ADGRD1: variants seen among roughly 807,000 people sequenced by gnomAD.
ADGRD1 encodes adhesion G protein-coupled receptor D1, also known as G-protein coupled receptor 133.
Under a neutral mutation model 113.4 loss-of-function variants are expected in ADGRD1, and 77 were observed. The ratio of observed to expected loss-of-function variants is 0.68; its 90% confidence interval spans 0.57 to 0.82. ADGRD1 has a LOEUF of 0.82. Among genes scored for constraint, ADGRD1 ranks in the 40% least tolerant of loss-of-function variants. The probability of loss-of-function intolerance (pLI) is 0.00; values close to 1 mark genes in which losing one functional copy is unlikely to be tolerated. For missense variants in ADGRD1, 1,036 were observed against 1,139.1 expected, an observed-to-expected ratio of 0.91 and a Z score of 1.30; for synonymous variants, 474 against 475.0, an observed-to-expected ratio of 1.00 and a Z score of 0.03.
chr12:131,103,459 C>T (rs1172494841), intron 15 of ADGRD1, among the ~76,000 whole-genome samples: 1 of 152,278 alleles, frequency 6.6e-6, no homozygotes, highest in African/African-American at 2.4e-5. Context: ...ACGTCTGTAG[C>T]CCCTCGGGCG....
intron 14 of ADGRD1, among the ~76,000 whole-genome samples, chr12:131,080,234 A>G (rs1299530121): frequency 1.3e-5 from 2 of 152,172 alleles, no homozygotes; most frequent in Admixed American, 6.5e-5. Context: ...TCTTCAACCT[A>G]TGTGTTATTT....
At chr12:131,130,385 G>A (rs1382902939) in intron 20 of ADGRD1, among the ~76,000 whole-genome samples, 1 of 152,184 alleles carries the variant, frequency 6.6e-6, no homozygotes, top group Non-Finnish European at 1.5e-5. Context: ...GGTGCTCACT[G>A]CCACAATAGT....
At chr12:131,017,837 CAG>C (rs929624630) in intron 13 of ADGRD1, among the ~76,000 whole-genome samples, 1 of 150,966 alleles carries the variant, frequency 6.6e-6, no homozygotes, top group Non-Finnish European at 1.5e-5. Flanking sequence ...CACACACACT[CAG>C]TGCACACACA....
intron 4 of ADGRD1, among the ~76,000 whole-genome samples, chr12:130,979,837 A>T (rs1872738579): frequency 6.6e-6 from 1 of 151,686 alleles, no homozygotes; most frequent in African/African-American, 2.4e-5. Context: ...ACACACACAC[A>T]CACACACACA....
chr12:131,103,995 C>A (rs535570954), intron 15 of ADGRD1, among the ~76,000 whole-genome samples: 1 of 152,230 alleles, frequency 6.6e-6, no homozygotes, highest in Non-Finnish European at 1.5e-5. Flanking sequence ...ACTTCAGAAC[C>A]GAGGGGGCGC....
Position 131,003,181 on chromosome 12 carries a change from G to T in ADGRD1, c.1027-4G>T, listed in dbSNP as rs200670259. ...CATGGCTCCTGGTGCTTGTGTTGCT[G>T]CAGGACAGCGCCGTGGTACTGAGTC... On this transcript the variant is annotated splice_region_variant and splice_polypyrimidine_tract_variant and intron_variant, in intron 9 of 24. Coordinates refer to ENST00000261654, the MANE Select transcript of ADGRD1 (RefSeq NM_198827.5). This position sits in a 1 kb window ranked among gnomAD's most constrained non-coding sequence, Gnocchi z 4.8. The T allele has an allele frequency of 9.3e-6, 15 of 1,609,292 alleles. No individual in the cohort carries two copies. Among genetic ancestry groups the T allele is most frequent in the Non-Finnish European group, 1.0e-5 (12 of 1,175,886 alleles).
chr12:130,994,220 G>A (rs1281770014), intron 8 of ADGRD1: 1 of 450,470 alleles, frequency 2.2e-6, no homozygotes, highest in Non-Finnish European at 4.5e-6. Flanking sequence ...CCTTATGCAT[G>A]TATGCACAGG....
intron 18 of ADGRD1, among the ~76,000 whole-genome samples, chr12:131,112,532 C>T (rs537974666): frequency 5.9e-5 from 9 of 152,276 alleles, no homozygotes; most frequent in Admixed American, 3.3e-4. Flanking sequence ...TTGGTGTTGT[C>T]GCGGAGCCAC....
chr12:131,132,891 G>A (rs936428373), intron 21 of ADGRD1, among the ~76,000 whole-genome samples: 6 of 152,234 alleles, frequency 3.9e-5, no homozygotes, highest in East Asian at 1.9e-4. Flanking sequence ...CAGCCACCGC[G>A]TATCTGTTCT....
At chr12:131,000,281 G>A in intron 8 of ADGRD1, 102 bp from the exon 9 acceptor site, 1 of 844,242 alleles carries the variant, frequency 1.2e-6, no homozygotes. Flanking sequence ...AACTGAACTG[G>A]TGGTTGATAG....
chr12:131,094,519 C>T (rs1426855017), intron 15 of ADGRD1, among the ~76,000 whole-genome samples: 1 of 152,152 alleles, frequency 6.6e-6, no homozygotes, highest in African/African-American at 2.4e-5. Flanking sequence ...CCCTCTAATC[C>T]TGGAGGCAGA....
intron 15 of ADGRD1, among the ~76,000 whole-genome samples, chr12:131,090,359 C>T (rs1886827803): frequency 7.0e-6 from 1 of 143,696 alleles, no homozygotes; most frequent in African/African-American, 2.4e-5. Flanking sequence ...TCATGTCTTC[C>T]ACGGGGCCCT....
At chr12:131,134,474 T>TA (rs1276086198) in intron 21 of ADGRD1, among the ~76,000 whole-genome samples, 2 of 152,250 alleles carry the variant, frequency 1.3e-5, no homozygotes, top group Non-Finnish European at 2.9e-5. Flanking sequence ...TTTTGGTACT[T>TA]ATTTCTCAGT....
At chr12:131,011,898 C>G (rs932650310) in intron 12 of ADGRD1, among the ~76,000 whole-genome samples, 1 of 152,156 alleles carries the variant, frequency 6.6e-6, no homozygotes, top group Non-Finnish European at 1.5e-5. Flanking sequence ...CTTGGAGTCG[C>G]GTGCGGGGCG....
chr12:131,020,896 G>A (rs752337036), intron 13 of ADGRD1, among the ~76,000 whole-genome samples: 1 of 152,220 alleles, frequency 6.6e-6, no homozygotes, highest in Non-Finnish European at 1.5e-5. Flanking sequence ...ACCACAGCTT[G>A]TGACTTTCGA....
In ADGRD1 at chr12:131,003,638, A is replaced by G. The variant is rs1369429177; in HGVS notation, c.1144+336A>G. 6.6e-6 allele frequency among the ~76,000 whole-genome samples: 1 copy of G among 152,234 alleles called. No homozygotes were observed. The highest frequency in any genetic ancestry group is 2.4e-5 in the African/African-American group (1 of 41,470). ...GGGGTGGCCTCGGGTTTCTGGCGTC[A>G]GCTTGCTCTCAGCTGGGCTCCAGGG... is the stretch of plus-strand genomic sequence containing the variant. On this transcript the variant is annotated intron_variant, in intron 10 of 24. Transcript: ENST00000261654. The surrounding 1 kb of genome is among the most constrained non-coding windows in gnomAD (Gnocchi z 4.8).
intron 12 of ADGRD1, among the ~76,000 whole-genome samples, chr12:131,008,128 G>T (rs1435738861): frequency 6.6e-6 from 1 of 152,228 alleles, no homozygotes; most frequent in Non-Finnish European, 1.5e-5. Flanking sequence ...AGGACTGAAT[G>T]AGTTAATGGT....
chr12:131,093,781 G>T (rs1887072749), intron 15 of ADGRD1, among the ~76,000 whole-genome samples: 2 of 152,236 alleles, frequency 1.3e-5, no homozygotes, highest in African/African-American at 4.8e-5. Context: ...CAGCCAGCTG[G>T]ACACACAGGT....
intron 15 of ADGRD1, among the ~76,000 whole-genome samples, chr12:131,085,320 T>A (rs536391929): frequency 1.1e-4 from 16 of 151,988 alleles, no homozygotes; most frequent in Non-Finnish European, 2.2e-4. Flanking sequence ...GGGGGCAGAA[T>A]GTTCTAGGCC....
Sources: allele counts gnomAD v4.1 joint callset (sites outside exome capture counted in the v4.1 genomes callset), GRCh38; gene constraint gnomAD v4.1.1; non-coding constraint Gnocchi (gnomAD v3.1); transcripts MANE v1.5; gene names NCBI Gene and HGNC (gene_info 2026-07-23, HGNC 2026-07-21).